TNS1: variants seen among roughly 807,000 people sequenced by gnomAD.
TNS1 encodes the protein tensin-1.
Under a neutral mutation model 168.6 loss-of-function variants are expected in TNS1, and 62 were observed. The observed-to-expected ratio is 0.37, with a 90% CI of 0.30 to 0.45. The LOEUF is 0.45. TNS1 is among the 20% of genes least tolerant of loss of function. TNS1 has a pLI of 1.00. For synonymous variants in TNS1, 934 were observed against 933.2 expected (o/e 1.00, Z -0.02); for missense variants, 2,240 against 2,339.4 (o/e 0.96, Z 0.88).
At chr2:217,835,293 C>T in intron 20 of TNS1, 127 bp from the exon 21 acceptor site, 1 of 832,180 alleles carries the variant, frequency 1.2e-6, no homozygotes. Context: ...CCTGGCTCCT[C>T]ACTGGTGCTC....
intron 3 of TNS1, among the ~76,000 whole-genome samples, chr2:217,937,647 G>T (rs1192687001): frequency 1.3e-5 from 2 of 152,174 alleles, no homozygotes; most frequent in African/African-American, 4.8e-5. Flanking sequence ...ACAGCGTTGG[G>T]ACTGGGGGAC....
chr2:217,930,727 G>A (rs576985199), intron 3 of TNS1, among the ~76,000 whole-genome samples: 2 of 152,336 alleles, frequency 1.3e-5, no homozygotes, highest in East Asian at 1.9e-4. Context: ...GCTGAGGCAC[G>A]CGGCCGGAGG....
chr2:217,951,094 A>G (rs1385150831), intron 3 of TNS1, among the ~76,000 whole-genome samples: 7 of 152,200 alleles, frequency 4.6e-5, no homozygotes, highest in African/African-American at 1.7e-4. Context: ...CTATCCCTCC[A>G]GGGGGAAGGG....
At chr2:218,026,110 C>T (rs546672151) in intron 1 of TNS1, among the ~76,000 whole-genome samples, 3 of 152,298 alleles carry the variant, frequency 2.0e-5, no homozygotes, top group Admixed American at 6.5e-5. Flanking sequence ...GATAATGACA[C>T]CACCAGGAAT....
At chr2:217,855,319 C>T (rs2059409) in intron 18 of TNS1, among the ~76,000 whole-genome samples, 19,987 of 152,176 alleles carry the variant, frequency 0.13, 1,973 homozygotes, top group East Asian at 0.33. Flanking sequence ...TCATCCTGCC[C>T]GTGAAACTCC....
intron 3 of TNS1, among the ~76,000 whole-genome samples, chr2:217,949,364 T>C (rs942469076): frequency 3.3e-5 from 5 of 152,210 alleles, no homozygotes; most frequent in African/African-American, 9.6e-5. Context: ...GGGCAGGGTT[T>C]CCCTTGGACC....
intron 18 of TNS1, among the ~76,000 whole-genome samples, chr2:217,860,968 C>T (rs920103685): frequency 1.7e-4 from 26 of 152,084 alleles, no homozygotes; most frequent in Non-Finnish European, 2.6e-4. Flanking sequence ...ATAAGAACCC[C>T]GATCCCCTGG....
chr2:218,002,373 C>T lies in TNS1; in HGVS notation c.33+467G>A, dbSNP rs1324570405. On this transcript the variant is annotated intron_variant, in intron 1 of 32. Transcript: ENST00000682258. ...GGGATGGACTCTGAGAATTCTCCCA[C>T]AGCCCAGCTCTTCCAGACTTAATAT... Among the ~76,000 whole-genome samples, 5 of 152,212 alleles carry T rather than the reference C, an allele frequency of 3.3e-5. No homozygotes were observed. The South Asian group carries it at 1.0e-3, about 31-fold the overall frequency.
chr2:217,993,721 G>A (rs868519731), intron 1 of TNS1, among the ~76,000 whole-genome samples: 7 of 152,192 alleles, frequency 4.6e-5, no homozygotes, highest in Non-Finnish European at 8.8e-5. Context: ...GACCACTGGC[G>A]GGACTTCCCT....
chr2:217,914,457 G>A (rs1196964854), intron 4 of TNS1, among the ~76,000 whole-genome samples: 1 of 152,204 alleles, frequency 6.6e-6, no homozygotes, highest in Non-Finnish European at 1.5e-5. Context: ...GCTTCCATCA[G>A]CATGGTGCCT....
chr2:217,898,711 C>T (rs1363341554), intron 7 of TNS1, among the ~76,000 whole-genome samples: 1 of 152,254 alleles, frequency 6.6e-6, no homozygotes, highest in Non-Finnish European at 1.5e-5. Flanking sequence ...GCCCTTGTTG[C>T]TGCAGTGGCG....
chr2:217,830,249 C>T, intron 22 of TNS1: 5 of 1,334,730 alleles, frequency 3.7e-6, no homozygotes, highest in Non-Finnish European at 5.2e-6. Context: ...CAGCCCCCAG[C>T]CCCCTTCTAC....
At chr2:218,016,846 G>A (rs930351729) in intron 1 of TNS1, among the ~76,000 whole-genome samples, 3 of 152,204 alleles carry the variant, frequency 2.0e-5, no homozygotes, top group Non-Finnish European at 4.4e-5. Context: ...GGAGGAACAT[G>A]AAAGGAAAGG....
At chr2:217,814,817 A>G in intron 25 of TNS1, 95 bp downstream of exon 25, 1 of 1,016,700 alleles carries the variant, frequency 9.8e-7, no homozygotes, top group Non-Finnish European at 1.5e-6. Flanking sequence ...CCTGCTACAA[A>G]GAGGACTGAA....
intron 28 of TNS1, among the ~76,000 whole-genome samples, chr2:217,810,600 C>T (rs966663674): frequency 3.9e-5 from 6 of 152,294 alleles, no homozygotes; most frequent in African/African-American, 1.4e-4. Context: ...GATCATGGTA[C>T]CCACGTCACT....
At chr2:217,970,464 A>T (rs987609031) in intron 3 of TNS1, among the ~76,000 whole-genome samples, 3 of 152,232 alleles carry the variant, frequency 2.0e-5, no homozygotes, top group Non-Finnish European at 4.4e-5. Context: ...TCATGGCAAC[A>T]TTAGTCATAA....
intron 3 of TNS1, among the ~76,000 whole-genome samples, chr2:217,975,699 TG>T (rs1957877424): frequency 6.6e-6 from 1 of 152,198 alleles, no homozygotes; most frequent in Admixed American, 6.5e-5. Flanking sequence ...GGCCAAAATC[TG>T]GGAGTCATCT....
chr2:218,006,657 A>G (rs1161357874), upstream of TNS1, among the ~76,000 whole-genome samples: 1 of 152,220 alleles, frequency 6.6e-6, no homozygotes, highest in Non-Finnish European at 1.5e-5. Flanking sequence ...TGGTGAGGAC[A>G]GGCCCCAGCT....
At chr2:217,881,200 G>T (rs931915736) in intron 17 of TNS1, 186 bp from the exon 18 acceptor site, 1 of 582,026 alleles carries the variant, frequency 1.7e-6, no homozygotes. Context: ...TGGGAGTCTA[G>T]TTTCTCACAT....
Sources: gnomAD v4.1 joint callset for allele counts (sites outside exome capture counted in the v4.1 genomes callset) on GRCh38, gnomAD v4.1.1 for gene constraint, MANE v1.5 for transcripts, NCBI Gene and HGNC (gene_info 2026-07-23, HGNC 2026-07-21) for gene names.